HDAC9: variants seen among roughly 807,000 people sequenced by gnomAD.
The protein encoded by HDAC9 is histone deacetylase 9, also known as MEF-2 interacting transcription repressor (MITR) protein.
Under a neutral mutation model 139.4 loss-of-function variants are expected in HDAC9, and 41 were observed. The observed-to-expected ratio is 0.29, with a 90% CI of 0.23 to 0.38. The LOEUF is 0.38. Ranked by LOEUF, HDAC9 falls within the 10% of genes least tolerant of loss-of-function variation. The pLI, the probability that HDAC9 is intolerant of heterozygous loss-of-function variation, is 1.00. For missense variants in HDAC9, 1,147 were observed against 1,297.0 expected, an observed-to-expected ratio of 0.88 and a Z score of 1.78; for synonymous variants, 517 against 476.2, an observed-to-expected ratio of 1.09 and a Z score of -1.12.
intron 17 of HDAC9, among the ~76,000 whole-genome samples, chr7:18,826,567 A>G (rs3852253): frequency 0.2 from 30,956 of 151,920 alleles, 7,359 homozygotes; most frequent in African/African-American, 0.58. Flanking sequence ...GGAGGTTCCC[A>G]CAAAGGATTA....
chr7:18,786,619 C>CCTTCCCTCCCTCCCTCCCTCCTTCCT (rs1562940735), intron 16 of HDAC9, among the ~76,000 whole-genome samples: 1 of 17,262 alleles, frequency 5.8e-5, no homozygotes, highest in Non-Finnish European at 1.6e-4. Flanking sequence ...CCTTCCTTCC[C>CCTTCCCTCCCTCCCTCCCTCCTTCCT]TCCCTCCCTC....
intron 12 of HDAC9, among the ~76,000 whole-genome samples, chr7:18,679,214 T>A (rs1385391709): frequency 6.6e-6 from 1 of 151,938 alleles, no homozygotes; most frequent in Admixed American, 6.6e-5. Flanking sequence ...TCAAGCAGGC[T>A]TTGAATTTCT....
intron 12 of HDAC9, among the ~76,000 whole-genome samples, chr7:18,674,162 T>C (rs1795826005): frequency 6.6e-6 from 1 of 152,130 alleles, no homozygotes; most frequent in South Asian, 2.1e-4. Context: ...CATATTTCTT[T>C]ACTTCACCTT....
At chr7:18,972,626 C>G (rs1784316571) in intron 24 of HDAC9, among the ~76,000 whole-genome samples, 1 of 152,030 alleles carries the variant, frequency 6.6e-6, no homozygotes, top group African/African-American at 2.4e-5. Flanking sequence ...AGTGATCCAC[C>G]CCCTTCAGCC....
chr7:18,103,826 T>C (rs879551636), intron 1 of HDAC9, among the ~76,000 whole-genome samples: 1 of 134,786 alleles, frequency 7.4e-6, no homozygotes, highest in Non-Finnish European at 1.6e-5. Context: ...ATATAAAACA[T>C]CGGAATAAAT....
At chr7:18,674,558 T>G (rs1781381114) in intron 12 of HDAC9, among the ~76,000 whole-genome samples, 1 of 152,122 alleles carries the variant, frequency 6.6e-6, no homozygotes, top group Non-Finnish European at 1.5e-5. Context: ...TCAGGGAAAA[T>G]GTACTCTATT....
chr7:18,657,619 C>T lies in HDAC9; in HGVS notation c.1468-8594C>T, dbSNP rs115153999. Among the ~76,000 whole-genome samples the T allele has an allele frequency of 6.0e-3, 907 of 152,094 alleles. 7 individuals carry two copies. Among genetic ancestry groups the T allele is most frequent in the African/African-American group, 0.021 (871 of 41,498 alleles). ...GAAGGGAAAACTGCTTATTTTTGTC[C>T]TAGTTAAGAACACTGCCCCAACCCC... On this transcript the variant is annotated intron_variant, in intron 11 of 25. Transcript: ENST00000686413.
At chr7:18,353,748 C>T (rs1345916192) in intron 1 of HDAC9, among the ~76,000 whole-genome samples, 1 of 152,170 alleles carries the variant, frequency 6.6e-6, no homozygotes, top group Non-Finnish European at 1.5e-5. Context: ...TCTGCCTAAG[C>T]AGACTTTGCA....
chr7:18,188,011 A>G (rs756926565), intron 2 of HDAC9, among the ~76,000 whole-genome samples: 1 of 152,228 alleles, frequency 6.6e-6, no homozygotes, highest in Admixed American at 6.5e-5. Flanking sequence ...TAAATTTCAT[A>G]TGGAATCAAA....
intron 12 of HDAC9, among the ~76,000 whole-genome samples, chr7:18,684,453 T>C (rs1782115556): frequency 6.8e-6 from 1 of 146,690 alleles, no homozygotes; most frequent in South Asian, 2.1e-4. Flanking sequence ...CAACCTGAGG[T>C]GCAACAACTC....
At chr7:18,979,153 ATAT>A (rs1241859036) in intron 25 of HDAC9, among the ~76,000 whole-genome samples, 1 of 152,138 alleles carries the variant, frequency 6.6e-6, no homozygotes, top group Non-Finnish European at 1.5e-5. Flanking sequence ...ATGAGAAAAC[ATAT>A]TATTCAAAGT....
chr7:18,867,382 A>G (rs1264009495), intron 21 of HDAC9, among the ~76,000 whole-genome samples: 1 of 152,184 alleles, frequency 6.6e-6, no homozygotes, highest in Non-Finnish European at 1.5e-5. Context: ...TTGCTTTGCA[A>G]AAGTACATTG....
chr7:18,194,047 C>G (rs1001258023), intron 2 of HDAC9, among the ~76,000 whole-genome samples: 13 of 152,148 alleles, frequency 8.5e-5, no homozygotes, highest in African/African-American at 3.1e-4. Context: ...ATGGCTGTCA[C>G]TGTGGAAAGG....
At chr7:18,246,418 G>A (rs1012342055) in intron 2 of HDAC9, among the ~76,000 whole-genome samples, 8 of 152,002 alleles carry the variant, frequency 5.3e-5, no homozygotes, top group African/African-American at 1.4e-4. Flanking sequence ...TTGGCATTTC[G>A]TAAATTCACA....
intron 16 of HDAC9, among the ~76,000 whole-genome samples, chr7:18,771,918 A>G (rs181724770): frequency 2.6e-4 from 40 of 152,298 alleles, no homozygotes; most frequent in Non-Finnish European, 4.7e-4. Flanking sequence ...AATGTGTGCC[A>G]TCAGATAAGG....
intron 21 of HDAC9, among the ~76,000 whole-genome samples, chr7:18,857,018 T>C (rs1253633691): frequency 6.6e-6 from 1 of 152,162 alleles, no homozygotes; most frequent in Non-Finnish European, 1.5e-5. Context: ...TATCTTTTTC[T>C]TTCTCCGATT....
intron 2 of HDAC9, among the ~76,000 whole-genome samples, chr7:18,241,173 CT>C (rs2128189971): frequency 6.6e-6 from 1 of 152,294 alleles, no homozygotes; most frequent in East Asian, 1.9e-4. Context: ...TTAAGTTACA[CT>C]GCTGTTTATC....
chr7:18,926,235 C>T (rs1264582167), intron 22 of HDAC9, among the ~76,000 whole-genome samples: 3 of 152,172 alleles, frequency 2.0e-5, no homozygotes, highest in East Asian at 1.9e-4. Context: ...GTAATCCAAG[C>T]TAGTCAGTAG....
At chr7:18,511,454 A>G (rs182953920) in intron 2 of HDAC9, among the ~76,000 whole-genome samples, 2 of 152,276 alleles carry the variant, frequency 1.3e-5, no homozygotes, top group East Asian at 1.9e-4. Flanking sequence ...CTAAATTGCC[A>G]GGTACAGTGG....
Sources: gnomAD v4.1 joint callset for allele counts (sites outside exome capture counted in the v4.1 genomes callset) on GRCh38, gnomAD v4.1.1 for gene constraint, MANE v1.5 for transcripts, NCBI Gene and HGNC (gene_info 2026-07-23, HGNC 2026-07-21) for gene names.